The following PKHD1 variants were observed in gnomAD, a reference collection of about 807,000 sequenced individuals.
PKHD1 encodes the protein fibrocystin.
A neutral mutation model predicts 412.0 loss-of-function variants in PKHD1; 291 were observed. The observed-to-expected ratio is 0.71, with a 90% confidence interval of 0.64 to 0.78. PKHD1 has a LOEUF of 0.78. Ranked by LOEUF, PKHD1 falls within the 30% of genes least tolerant of loss-of-function variation. The pLI, the probability that PKHD1 is intolerant of heterozygous loss-of-function variation, is 0.00. For missense variants in PKHD1, 4,825 were observed against 4,950.7 expected (o/e 0.97, Z 0.76); for synonymous variants, 1,777 against 1,821.5 (o/e 0.98, Z 0.62).
chr6:51,666,508 C>A (rs146046072), intron 60 of PKHD1, among the ~76,000 whole-genome samples: 1 of 152,008 alleles, frequency 6.6e-6, no homozygotes, highest in Non-Finnish European at 1.5e-5. Flanking sequence ...GTTTCAGCTT[C>A]GCAACTCATT....
chr6:52,081,266 C>T (rs1811985050), intron 4 of PKHD1, among the ~76,000 whole-genome samples: 1 of 152,164 alleles, frequency 6.6e-6, no homozygotes, highest in Non-Finnish European at 1.5e-5. Flanking sequence ...AATGTCTATG[C>T]CCAAATGTGC....
At chr6:51,844,857 TGATAGA>T (rs1433329251) in intron 50 of PKHD1, among the ~76,000 whole-genome samples, 1 of 152,136 alleles carries the variant, frequency 6.6e-6, no homozygotes, top group Non-Finnish European at 1.5e-5. Context: ...TCCGTGGCCA[TGATAGA>T]GATCAAGCAG....
intron 60 of PKHD1, among the ~76,000 whole-genome samples, chr6:51,667,320 T>G (rs887737101): frequency 2.6e-5 from 4 of 151,520 alleles, no homozygotes; most frequent in African/African-American, 7.3e-5. Context: ...TTTTCATGTG[T>G]TTTTTGGCTG....
chr6:51,951,964 A>G (rs1356194086), intron 36 of PKHD1, among the ~76,000 whole-genome samples: 4 of 152,210 alleles, frequency 2.6e-5, no homozygotes, highest in Admixed American at 1.3e-4. Flanking sequence ...AAAATATTAT[A>G]GCTTCTCTGC....
chr6:51,980,482 T>C (rs549478713), intron 35 of PKHD1, among the ~76,000 whole-genome samples: 44 of 152,370 alleles, frequency 2.9e-4, no homozygotes, highest in African/African-American at 1.0e-3. Flanking sequence ...GAAGTTTTAC[T>C]ATATTCAACC....
intron 35 of PKHD1, among the ~76,000 whole-genome samples, chr6:51,965,368 A>G (rs186522036): frequency 2.0e-5 from 3 of 152,252 alleles, no homozygotes; most frequent in Admixed American, 1.3e-4. Flanking sequence ...TCTGGACACA[A>G]CAGATGACAC....
At chr6:51,899,788 C>T (rs1780913102) in intron 43 of PKHD1, among the ~76,000 whole-genome samples, 1 of 152,192 alleles carries the variant, frequency 6.6e-6, no homozygotes, top group Admixed American at 6.5e-5. Context: ...AGCCCAAAAT[C>T]TCCATAACCT....
At position 51,659,623 on chromosome 6, in the gene PKHD1, A is replaced by G. The variant is rs2150415751; in HGVS notation, c.10503T>C (p.His3501=). Residue 3501 remains histidine, a synonymous_variant, in exon 61 of 67, where the codon CAT becomes CAC. Coordinates refer to ENST00000371117, the MANE Select transcript of PKHD1 (RefSeq NM_138694.4). ...AGAAGACGTGGGGGCTCTGGAGCTC[A>G]TGGTAGAATACAGCCAAGAGAAGCT... ...TSKLLLAVFY[H]ELQSPHVFLG... is the part of the protein sequence containing the mutation. 1 of 1,613,706 alleles carries G rather than the reference A, an allele frequency of 6.2e-7. No homozygotes were observed. The highest frequency in any genetic ancestry group is 8.5e-7 in the Non-Finnish European group (1 of 1,179,764).
intron 45 of PKHD1, among the ~76,000 whole-genome samples, chr6:51,883,582 A>G (rs1219707108): frequency 6.6e-6 from 1 of 152,230 alleles, no homozygotes; most frequent in African/African-American, 2.4e-5. Context: ...ATTTTCTTCA[A>G]TGTATTATAT....
Position 51,984,654 on chromosome 6 carries a change from G to GA in PKHD1, c.5752-24629dup, listed in dbSNP as rs550438973. On this transcript the variant is annotated intron_variant, in intron 35 of 66. Transcript: ENST00000371117. ...AATTCAGAACTGCTCCCCTTTCCCT[G>GA]AAGCCAGTGTTACACTGGAGAATGT... 2.0e-5 allele frequency among the ~76,000 whole-genome samples: 3 copies of GA among 152,170 alleles called. No individual in the cohort carries two copies. In the South Asian group the frequency reaches 6.2e-4, roughly 32 times the overall value.
rs1805168464 is a variant in PKHD1, at chr6:52,042,998, A to G, written c.2958T>C (p.Asp986=). 1.2e-6 allele frequency: 2 copies of G among 1,613,962 alleles called. No individual in the cohort carries two copies. The highest frequency in any genetic ancestry group is 2.7e-5 in the African/African-American group (2 of 74,920). The change falls in exon 27 of 67, where the codon GAT becomes GAC. Residue 986 remains aspartate, a synonymous_variant. Transcript: ENST00000371117. The stretch of plus-strand genomic sequence containing the variant: ...TCCGATGCATTCCAACAGGTAGCAA[A>G]TCTGTCTGACAGACTACATTGGTCT... ...SNQTNVVCQT[D]LLPVGMHRIL...
chr6:51,958,614 AT>A (rs1253141437), intron 36 of PKHD1, among the ~76,000 whole-genome samples: 2 of 152,120 alleles, frequency 1.3e-5, no homozygotes, highest in Admixed American at 6.6e-5. Context: ...TAGTAGCAAT[AT>A]AAGGCCAAGA....
chr6:52,087,038 G>A (rs1476332886), intron 1 of PKHD1, among the ~76,000 whole-genome samples: 3 of 151,986 alleles, frequency 2.0e-5, no homozygotes, highest in Admixed American at 6.6e-5. Flanking sequence ...ATAAACATTC[G>A]CACACTGGTT....
At chr6:52,044,313 C>T (rs1005293649) in intron 25 of PKHD1, among the ~76,000 whole-genome samples, 1 of 152,138 alleles carries the variant, frequency 6.6e-6, no homozygotes, top group Admixed American at 6.5e-5. Context: ...GATGTGACCC[C>T]ACTGATTCTC....
At position 51,878,680 on chromosome 6, in the gene PKHD1, AG is replaced by A. The variant is rs1413871821; in HGVS notation, c.7350+4412del. ...TCATACTGAATGGGCAAAAACTGGA[AG>A]CATTCCCTTTGAAAACTGGCACAAG... On this transcript the variant is annotated intron_variant, in intron 46 of 66. Coordinates refer to ENST00000371117, the MANE Select transcript of PKHD1 (RefSeq NM_138694.4). Among the ~76,000 whole-genome samples the A allele has an allele frequency of 6.3e-4, 16 of 25,292 alleles. 5 individuals carry two copies. The highest frequency in any genetic ancestry group is 2.1e-3 in the South Asian group (1 of 470). 16.6% of individuals were successfully genotyped at this position (25,292 alleles called of 152,430 possible).
intron 60 of PKHD1, among the ~76,000 whole-genome samples, chr6:51,742,107 C>G (rs1046092195): frequency 6.6e-6 from 1 of 152,166 alleles, no homozygotes; most frequent in Non-Finnish European, 1.5e-5. Flanking sequence ...AACCCCTTAT[C>G]TTTTCTTCTT....
At chr6:51,672,184 C>T (rs558783646) in intron 60 of PKHD1, among the ~76,000 whole-genome samples, 9 of 152,064 alleles carry the variant, frequency 5.9e-5, no homozygotes, top group South Asian at 2.1e-4. Flanking sequence ...GTTGCAACAC[C>T]GGGTAAGTCG....
Position 51,748,206 on chromosome 6 carries a change from C to A in PKHD1, c.9410G>T (p.Gly3137Val), listed in dbSNP as rs1395382368. Reference protein sequence around the residue: ...LHGLHLYKESGLDNCTRISGF... With the variant: ...LHGLHLYKESVLDNCTRISGF... ...AGAGATTCTGGTACAGTTGTCAAGT[C>A]CACTTTCCTTATAGAGATGAAGGCC... is the stretch of plus-strand genomic sequence containing the variant. The change falls in exon 58 of 67, where the codon GGA (glycine) becomes GTA (valine). Residue 3137 changes from glycine (G) to valine (V), a missense_variant. By Grantham distance (109) the Gly-to-Val change is moderately radical. Coordinates refer to ENST00000371117, the MANE Select transcript of PKHD1 (RefSeq NM_138694.4). The A allele has an allele frequency of 6.2e-7, 1 of 1,614,054 alleles. No individual in the cohort carries two copies. The highest frequency in any genetic ancestry group is 1.7e-5 in the Admixed American group (1 of 60,000).
chr6:51,801,623 C>A (rs962543741), intron 52 of PKHD1, among the ~76,000 whole-genome samples: 5 of 54,364 alleles, frequency 9.2e-5, no homozygotes, highest in Admixed American at 2.3e-4. Context: ...TGAAGAAAAA[C>A]CATCTGCTGG....
Sources: gnomAD v4.1 joint callset for allele counts (sites outside exome capture counted in the v4.1 genomes callset) on GRCh38, gnomAD v4.1.1 for gene constraint, MANE v1.5 for transcripts, NCBI Gene and HGNC (gene_info 2026-07-23, HGNC 2026-07-21) for gene names.